AKT3: variants seen among roughly 807,000 people sequenced by gnomAD.
AKT3 encodes the protein AKT serine/threonine kinase 3.
In AKT3, 15 loss-of-function variants were observed where a neutral mutation model predicts 65.3. The observed-to-expected ratio is 0.23, with a 90% CI of 0.15 to 0.35. The LOEUF is 0.35. Among genes scored for constraint, AKT3 ranks in the 10% least tolerant of loss-of-function variants. The probability of loss-of-function intolerance (pLI) is 1.00; values close to 1 mark genes in which losing one functional copy is unlikely to be tolerated. For missense variants in AKT3, 243 were observed against 576.5 expected (o/e 0.42, Z 5.92); for synonymous variants, 206 against 183.8 (o/e 1.12, Z -0.98).
intron 8 of AKT3, among the ~76,000 whole-genome samples, chr1:243,575,937 G>A (rs1574637348): frequency 6.6e-6 from 1 of 152,070 alleles, no homozygotes; most frequent in Middle Eastern, 3.4e-3. Flanking sequence ...TATATAATCA[G>A]AGAAATAATA....
At chr1:243,728,334 C>T (rs767985092) in intron 2 of AKT3, among the ~76,000 whole-genome samples, 5 of 152,190 alleles carry the variant, frequency 3.3e-5, no homozygotes, top group African/African-American at 4.8e-5. Flanking sequence ...GCTTTCTTCC[C>T]TCCAAGAAAC....
At chr1:243,750,412 C>T (rs1185882372) in intron 2 of AKT3, among the ~76,000 whole-genome samples, 1 of 44,042 alleles carries the variant, frequency 2.3e-5, no homozygotes, top group Non-Finnish European at 1.4e-4. Flanking sequence ...CACGTATACA[C>T]ACACACACAC....
rs532104057 is a variant in AKT3, at chr1:243,811,381, T to C, written c.46+31744A>G. ...CACAAGCATTCTTATATACCAATAA[T>C]AGACAAACAGCCAAATTATGAGTGA... On this transcript the variant is annotated intron_variant, in intron 2 of 13. Transcript: ENST00000673466. Among the ~76,000 whole-genome samples, 9 of 151,958 alleles carry C rather than the reference T, an allele frequency of 5.9e-5. No homozygotes were observed. In the South Asian group the frequency reaches 1.7e-3, roughly 28 times the overall value.
intron 8 of AKT3, among the ~76,000 whole-genome samples, chr1:243,595,995 C>G (rs1464685040): frequency 1.3e-5 from 2 of 152,188 alleles, no homozygotes; most frequent in African/African-American, 4.8e-5. Context: ...TTGCTTACAC[C>G]AGCATCACCA....
intron 2 of AKT3, among the ~76,000 whole-genome samples, chr1:243,700,481 T>C (rs1356480312): frequency 6.6e-6 from 1 of 151,344 alleles, no homozygotes; most frequent in East Asian, 1.9e-4. Flanking sequence ...AAATACTGCA[T>C]TATTTTGGAC....
chr1:243,718,489 G>A (rs543163573), intron 2 of AKT3, among the ~76,000 whole-genome samples: 11 of 151,512 alleles, frequency 7.3e-5, no homozygotes, highest in South Asian at 2.1e-4. Context: ...TCTCTCTGTC[G>A]CCAAGGCTGG....
At position 243,586,459 on chromosome 1, in the gene AKT3, G is replaced by A. The variant is rs183516503; in HGVS notation, c.697-13411C>T. ...CACAGGCACTTGCATGTTCATTGCA[G>A]AACTATTCACAACAGCAAAGACATG... On this transcript the variant is annotated intron_variant, in intron 8 of 13. Transcript: ENST00000673466. Among the ~76,000 whole-genome samples, 128 of 152,220 alleles carry A rather than the reference G, an allele frequency of 8.4e-4. 1 individual carries two copies. Among genetic ancestry groups the A allele is most frequent in the Non-Finnish European group, 1.5e-3 (99 of 68,012 alleles).
At chr1:243,761,727 C>T (rs1248316622) in intron 2 of AKT3, among the ~76,000 whole-genome samples, 2 of 152,012 alleles carry the variant, frequency 1.3e-5, no homozygotes, top group African/African-American at 2.4e-5. Flanking sequence ...CATAGCACCA[C>T]GTTGGATATT....
rs562536728 is a variant in AKT3 at position 243,500,864 on chromosome 1, C to CAGA, written c.*4382_*4384dup. The CAGA allele has an allele frequency of 2.8e-3, 650 of 228,900 alleles. 4 individuals are homozygous for CAGA. The highest frequency in any genetic ancestry group is 0.014 in the African/African-American group (623 of 45,162). 14.2% of individuals were successfully genotyped at this position (228,900 alleles called of 1,614,324 possible). On this transcript the variant is annotated 3_prime_UTR_variant, in exon 14 of 14. Coordinates refer to ENST00000673466, the MANE Select transcript of AKT3 (RefSeq NM_005465.7). ...AAACAGTAGAACTTCTATTCAGATTCAGAAGTTTTTTATTTCATCAAATGT... is the reference window on the plus strand; with the variant it reads ...AAACAGTAGAACTTCTATTCAGATTCAGAAGAAGTTTTTTATTTCATCAAATGT...
intron 5 of AKT3, among the ~76,000 whole-genome samples, chr1:243,644,242 C>T (rs1680643455): frequency 6.6e-6 from 1 of 152,202 alleles, no homozygotes; most frequent in South Asian, 2.1e-4. Context: ...TATGACTATA[C>T]TCTGTTTCTC....
intron 2 of AKT3, chr1:243,793,348 A>G (rs1031164063): frequency 2.6e-5 from 4 of 152,142 alleles, no homozygotes; most frequent in African/African-American, 9.7e-5. Context: ...TCAGCCTCCC[A>G]AAGTATTGGG....
chr1:243,829,026 C>T (rs1206889390), intron 2 of AKT3, among the ~76,000 whole-genome samples: 1 of 152,166 alleles, frequency 6.6e-6, no homozygotes, highest in Non-Finnish European at 1.5e-5. Context: ...AATGTTTACA[C>T]AGAATAAAGT....
At chr1:243,822,743 T>A (rs1223385961) in intron 2 of AKT3, among the ~76,000 whole-genome samples, 3 of 151,950 alleles carry the variant, frequency 2.0e-5, no homozygotes, top group African/African-American at 7.3e-5. Flanking sequence ...AGAAGCTGAA[T>A]CCAGGAATAG....
At chr1:243,594,362 T>G (rs950273411) in intron 8 of AKT3, among the ~76,000 whole-genome samples, 3 of 152,182 alleles carry the variant, frequency 2.0e-5, no homozygotes, top group African/African-American at 7.2e-5. Context: ...ACAGCAGACT[T>G]TTTTGTAAAA....
intron 2 of AKT3, among the ~76,000 whole-genome samples, chr1:243,805,079 T>C (rs911506359): frequency 3.3e-5 from 5 of 152,172 alleles, no homozygotes; most frequent in African/African-American, 1.2e-4. Flanking sequence ...ATTTCTTCAT[T>C]CACACTCCCG....
At chr1:243,496,550 G>A (rs1323206607), downstream of AKT3, among the ~76,000 whole-genome samples, 6 of 152,254 alleles carry the variant, frequency 3.9e-5, no homozygotes, top group Non-Finnish European at 5.9e-5. Flanking sequence ...GGACAGCAGG[G>A]GGGGAAGGGG....
chr1:243,679,875 A>T (rs1683796976), intron 3 of AKT3, among the ~76,000 whole-genome samples: 1 of 152,226 alleles, frequency 6.6e-6, no homozygotes, highest in Non-Finnish European at 1.5e-5. Flanking sequence ...TGAGGCAAAC[A>T]GTAAATCTGT....
intron 2 of AKT3, among the ~76,000 whole-genome samples, chr1:243,755,231 G>T (rs1689058864): frequency 7.2e-6 from 1 of 139,622 alleles, no homozygotes; most frequent in South Asian, 2.3e-4. Flanking sequence ...ACCACGCCTG[G>T]TTAATTTTTT....
chr1:243,827,896 T>C lies in AKT3; in HGVS notation c.46+15229A>G, dbSNP rs186087665. Among the ~76,000 whole-genome samples, 276 of 152,258 alleles carry C rather than the reference T, an allele frequency of 1.8e-3. 1 individual carries two copies. Among genetic ancestry groups the C allele is most frequent in the Non-Finnish European group, 2.5e-3 (172 of 67,994 alleles). On this transcript the variant is annotated intron_variant, in intron 2 of 13. Transcript: ENST00000673466. ...AAGAGAGTACAACATGAAGGTCAGT[T>C]GACAGGAAAGGAATACTGATCAACT...
Sources: allele counts gnomAD v4.1 joint callset (sites outside exome capture counted in the v4.1 genomes callset), GRCh38; gene constraint gnomAD v4.1.1; transcripts MANE v1.5; gene names NCBI Gene and HGNC (gene_info 2026-07-23, HGNC 2026-07-21).